The following YJU2B variants were observed in gnomAD, a reference collection of about 807,000 sequenced individuals.
The protein encoded by YJU2B is YJU2 splicing factor homolog B.
Under a neutral mutation model 38.0 loss-of-function variants are expected in YJU2B, and 18 were observed. That is an observed-to-expected ratio of 0.47 (90% CI 0.33 to 0.70). The LOEUF (loss-of-function observed/expected upper bound fraction) is 0.70, where lower values mean the gene tolerates loss of function less well. YJU2B is among the 30% of genes least tolerant of loss of function. The pLI is 0.02. For missense variants in YJU2B, 538 were observed against 556.3 expected, an observed-to-expected ratio of 0.97 and a Z score of 0.33; for synonymous variants, 246 against 225.4, an observed-to-expected ratio of 1.09 and a Z score of -0.82.
chr19:13,745,515 G>A (rs947300517), upstream of YJU2B, among the ~76,000 whole-genome samples: 27 of 151,768 alleles, frequency 1.8e-4, no homozygotes, highest in Non-Finnish European at 3.2e-4. Context: ...ATACTAGCTG[G>A]GTGTGGTGGC....
intron 8 of YJU2B, among the ~76,000 whole-genome samples, chr19:13,760,593 A>T (rs927064652): frequency 4.7e-5 from 7 of 150,166 alleles, no homozygotes; most frequent in East Asian, 3.9e-4. Flanking sequence ...CCTTTTATTT[A>T]TTTATTTTTT....
Position 13,753,130 on chromosome 19 carries a change from A to G in YJU2B, c.4-1159A>G, listed in dbSNP as rs184762396. ...GCAATGACAATGGGTTTTTTGCCCAAGTAGCCCTTCCCCAATCAGACACTG... is the reference window on the plus strand; with the variant it reads ...GCAATGACAATGGGTTTTTTGCCCAGGTAGCCCTTCCCCAATCAGACACTG... On this transcript the variant is annotated intron_variant, in intron 2 of 9. Coordinates refer to ENST00000221554, the MANE Select transcript of YJU2B (RefSeq NM_030818.4). 6.6e-5 allele frequency among the ~76,000 whole-genome samples: 10 copies of G among 152,254 alleles called. No homozygotes were observed. In the East Asian group the frequency reaches 1.9e-3, roughly 29 times the overall value.
In YJU2B at chr19:13,757,984, A is replaced by AC. The variant is rs539717842; in HGVS notation, c.257+142dup. On this transcript the variant is annotated intron_variant, in intron 6 of 9. Coordinates refer to ENST00000221554, the MANE Select transcript of YJU2B (RefSeq NM_030818.4). Reference sequence around the variant, plus strand: ...CGCCCTGGTTGGTGAATCAGGGCACACCCCACCCCCGCAACCCTCCATGGC... The same window carrying AC: ...CGCCCTGGTTGGTGAATCAGGGCACACCCCCACCCCCGCAACCCTCCATGGC... 4.3e-4 allele frequency: 295 copies of AC among 689,254 alleles called. 1 individual carries two copies. The African/African-American group carries it at 4.4e-3, about 10-fold the overall frequency. 42.7% of individuals were successfully genotyped at this position (689,254 alleles called of 1,614,324 possible).
At chr19:13,739,415 C>CT (rs1386977144) in intron 2 of YJU2B, among the ~76,000 whole-genome samples, 2 of 152,134 alleles carry the variant, frequency 1.3e-5, no homozygotes. Flanking sequence ...TATTTGACCT[C>CT]TAAGAGAGCT....
intron 2 of YJU2B, among the ~76,000 whole-genome samples, chr19:13,734,675 A>G (rs1049669536): frequency 7.9e-5 from 12 of 152,024 alleles, no homozygotes; most frequent in Non-Finnish European, 1.8e-4. Context: ...TGCAGCCTCA[A>G]CCTCCTGGGC....
chr19:13,754,757 G>A (rs146606559), intron 3 of YJU2B, among the ~76,000 whole-genome samples: 1 of 152,026 alleles, frequency 6.6e-6, no homozygotes, highest in African/African-American at 2.4e-5. Context: ...GTTCTCTGTT[G>A]CATTGCTGAG....
At chr19:13,738,004 C>T (rs1972998619) in intron 2 of YJU2B, among the ~76,000 whole-genome samples, 1 of 152,162 alleles carries the variant, frequency 6.6e-6, no homozygotes, top group Admixed American at 6.6e-5. Context: ...TCGAAACAGG[C>T]CATCTGCCCC....
At position 13,757,402 on chromosome 19, in the gene YJU2B, C is replaced by G; in HGVS notation, c.141-16C>G. 6.2e-7 allele frequency: 1 copy of G among 1,612,222 alleles called. No homozygotes were observed. The highest frequency in any genetic ancestry group is 8.5e-7 in the Non-Finnish European group (1 of 1,178,304). Reference sequence around the variant, plus strand: ...CAAGTGGACAAGTGCAAGTAAGATGCTGTCTGTCTTTGCAGATTCGAAATG... The same window carrying G: ...CAAGTGGACAAGTGCAAGTAAGATGGTGTCTGTCTTTGCAGATTCGAAATG... On this transcript the variant is annotated splice_polypyrimidine_tract_variant and intron_variant, in intron 4 of 9. Coordinates refer to ENST00000221554, the MANE Select transcript of YJU2B (RefSeq NM_030818.4).
Position 13,758,988 on chromosome 19 carries a change from C to T in YJU2B, c.378C>T (p.Asp126=). 6.2e-7 allele frequency: 1 copy of T among 1,613,742 alleles called. No individual in the cohort carries two copies. The highest frequency in any genetic ancestry group is 8.5e-7 in the Non-Finnish European group (1 of 1,179,912). The change falls in exon 7 of 10, where the codon GAC becomes GAT. Residue 126 remains aspartate (D), a synonymous_variant. Coordinates refer to ENST00000221554, the MANE Select transcript of YJU2B (RefSeq NM_030818.4). ...AGGAGGAGCGCTGGGACATGGCGGA[C>T]AATGAGCAGGTGCTGACCACAGGTG... ...QRKEERWDMA[D]NEQVLTTEHE... is the part of the protein sequence containing the mutation.
intron 3 of YJU2B, among the ~76,000 whole-genome samples, chr19:13,755,268 C>G (rs1023159644): frequency 6.6e-6 from 1 of 151,660 alleles, no homozygotes; most frequent in Non-Finnish European, 1.5e-5. Context: ...TAAGACCATC[C>G]TGGCCAACAT....
At position 13,734,582 on chromosome 19, in the gene YJU2B, G is replaced by A. The variant is rs138910195; in HGVS notation, c.-202+2297G>A. On this transcript the variant is annotated intron_variant, in intron 2 of 10. Coordinates refer to the YJU2B transcript ENST00000586600. ...TGGGATTACAGGCGTGAGCCACCGC[G>A]CCCGGCCCTTTTTTTGTTTGTTTTA... is the stretch of plus-strand genomic sequence containing the variant. Among the ~76,000 whole-genome samples the A allele has an allele frequency of 5.0e-3, 760 of 151,030 alleles. 5 individuals carry two copies. Among genetic ancestry groups the A allele is most frequent in the African/African-American group, 0.017 (687 of 41,150 alleles).
rs757629860 is a variant in YJU2B, at chr19:13,732,931, AT to A, written c.-202+662del. On this transcript the variant is annotated intron_variant, in intron 2 of 10. Coordinates refer to the YJU2B transcript ENST00000586600. ...GCATAAAAAATGCATACCTTTTGAA[AT>A]TTTTTTTTTTTTTTTGAGACGGGGT... Among the ~76,000 whole-genome samples, 1,143 of 125,244 alleles carry A rather than the reference AT, an allele frequency of 9.1e-3. 25 individuals carry two copies. The highest frequency in any genetic ancestry group is 0.06 in the Admixed American group (723 of 12,082). The allele number at this position is 125,244 out of a possible 152,430, so 82.2% of individuals were successfully genotyped here.
At chr19:13,759,067 C>T in intron 7 of YJU2B, 33 bp from the exon 8 acceptor site, 1 of 1,612,574 alleles carries the variant, frequency 6.2e-7, no homozygotes, top group African/African-American at 1.3e-5. Flanking sequence ...GCGCTGGGGC[C>T]CCCAAAGCCC....
chr19:13,757,548 G>T (rs963015001), intron 5 of YJU2B, 75 bp downstream of exon 5: 2 of 1,314,940 alleles, frequency 1.5e-6, no homozygotes, highest in Non-Finnish European at 1.1e-6. Flanking sequence ...CCGGGGTGGG[G>T]GTGGGAGGGT....
At chr19:13,740,707 T>C (rs998006203) in intron 2 of YJU2B, among the ~76,000 whole-genome samples, 1 of 152,058 alleles carries the variant, frequency 6.6e-6, no homozygotes, top group Non-Finnish European at 1.5e-5. Flanking sequence ...CGGCTAATCT[T>C]TGTATTTTTA....
chr19:13,757,672 C>T (rs1973719033), intron 5 of YJU2B, 114 bp from the exon 6 acceptor site: 2 of 1,204,454 alleles, frequency 1.7e-6, no homozygotes, highest in Non-Finnish European at 2.5e-6. Context: ...TCTCTAACTC[C>T]TCCTAGTTGG....
chr19:13,733,220 C>T (rs1281101340), intron 2 of YJU2B, among the ~76,000 whole-genome samples: 2 of 152,040 alleles, frequency 1.3e-5, no homozygotes, highest in African/African-American at 2.4e-5. Flanking sequence ...TGAGCCACCA[C>T]GCCCGGCCTT....
At chr19:13,735,242 G>T (rs2145075214) in intron 2 of YJU2B, among the ~76,000 whole-genome samples, 1 of 152,274 alleles carries the variant, frequency 6.6e-6, no homozygotes, top group South Asian at 2.1e-4. Context: ...TTGAACCTGG[G>T]AGGCAGAGGT....
chr19:13,740,815 G>T (rs1194044673), intron 2 of YJU2B, among the ~76,000 whole-genome samples: 1 of 152,136 alleles, frequency 6.6e-6, no homozygotes. Flanking sequence ...GATTACAGGC[G>T]TGAGCCACCG....
Sources: allele counts gnomAD v4.1 joint callset (sites outside exome capture counted in the v4.1 genomes callset), GRCh38; gene constraint gnomAD v4.1.1; transcripts MANE v1.5; gene names NCBI Gene and HGNC (gene_info 2026-07-23, HGNC 2026-07-21).